Variants in KCNQ3 observed in about 807,000 individuals in gnomAD.
KCNQ3 encodes the protein potassium voltage-gated channel subfamily KQT member 3.
KCNQ3 carries 30 observed loss-of-function variants against 92.5 expected under a neutral mutation model. The ratio of observed to expected loss-of-function variants is 0.32; its 90% CI spans 0.24 to 0.44. The LOEUF (loss-of-function observed/expected upper bound fraction) is 0.44, where lower values mean the gene tolerates loss of function less well. Among genes scored for constraint, KCNQ3 ranks in the 20% least tolerant of loss-of-function variants. The probability of loss-of-function intolerance (pLI) is 1.00; values close to 1 mark genes in which losing one functional copy is unlikely to be tolerated. For synonymous variants in KCNQ3, 450 were observed against 468.8 expected (o/e 0.96, Z 0.52); for missense variants, 913 against 1,140.3 (o/e 0.80, Z 2.87).
intron 1 of KCNQ3, among the ~76,000 whole-genome samples, chr8:132,246,313 T>C (rs1305174268): frequency 1.3e-5 from 2 of 152,176 alleles, no homozygotes; most frequent in Non-Finnish European, 2.9e-5. Context: ...TTTCCCTACA[T>C]GAGAGAAGGA....
At chr8:132,356,810 G>T (rs1819031044) in intron 1 of KCNQ3, among the ~76,000 whole-genome samples, 1 of 152,174 alleles carries the variant, frequency 6.6e-6, no homozygotes, top group Non-Finnish European at 1.5e-5. Context: ...GAATGGGATG[G>T]TCAATCTGGA....
rs756218792 is a variant in KCNQ3, at chr8:132,234,338, GTTTTTTTTTTTTTT to G, written c.387-48171_387-48158del. Among the ~76,000 whole-genome samples, 102 of 85,674 alleles carry G rather than the reference GTTTTTTTTTTTTTT, an allele frequency of 1.2e-3. 2 individuals carry two copies. Among genetic ancestry groups the G allele is most frequent in the African/African-American group, 3.9e-3 (89 of 22,986 alleles). The allele number at this position is 85,674 out of a possible 152,430, so 56.2% of individuals were successfully genotyped here. ...CTGTGCATAATTCTGTCCATGAAAA[GTTTTTTTTTTTTTT>G]TTTTTTTTTTTTTGGCAGGTGAAAG... is the stretch of plus-strand genomic sequence containing the variant. On this transcript the variant is annotated intron_variant, in intron 1 of 14. Transcript: ENST00000388996.
rs763718116 is a variant in KCNQ3 at position 132,170,378 on chromosome 8, C to T, written c.1191G>A (p.Ala397=). 30 of 1,613,778 alleles carry T rather than the reference C, an allele frequency of 1.9e-5. No homozygotes were observed. Among genetic ancestry groups the T allele is most frequent in the South Asian group, 5.5e-5 (5 of 91,066 alleles). The change falls in exon 8 of 15, where the codon GCG becomes GCA. Residue 397 remains alanine, a synonymous_variant. Coordinates refer to ENST00000388996, the MANE Select transcript of KCNQ3 (RefSeq NM_004519.4). ...ATNPNRIDLV[A]TWRFYESVVS... ...CGACTGATTCATAAAATCTCCATGT[C>T]GCCACCAGGTCAATCCTGTTGGGGT...
chr8:132,409,842 G>A (rs1820601905), intron 1 of KCNQ3, among the ~76,000 whole-genome samples: 1 of 152,196 alleles, frequency 6.6e-6, no homozygotes, highest in Non-Finnish European at 1.5e-5. Flanking sequence ...CTGATGCCCA[G>A]AATTAACCAA....
intron 1 of KCNQ3, among the ~76,000 whole-genome samples, chr8:132,310,021 T>C (rs1465800729): frequency 6.6e-6 from 1 of 152,228 alleles, no homozygotes; most frequent in Admixed American, 6.5e-5. Flanking sequence ...GGAGACTTTA[T>C]ATCATGACCT....
intron 1 of KCNQ3, among the ~76,000 whole-genome samples, chr8:132,322,634 G>A (rs1162838372): frequency 6.6e-6 from 1 of 152,200 alleles, no homozygotes; most frequent in Non-Finnish European, 1.5e-5. Context: ...CAGAGCATGA[G>A]TACCACACAA....
intron 1 of KCNQ3, among the ~76,000 whole-genome samples, chr8:132,343,002 T>C (rs967995633): frequency 6.6e-6 from 1 of 152,194 alleles, no homozygotes; most frequent in African/African-American, 2.4e-5. Context: ...GCTAACGTAT[T>C]GGGCATTGTG....
intron 1 of KCNQ3, among the ~76,000 whole-genome samples, chr8:132,214,482 C>T (rs1813962451): frequency 6.6e-6 from 1 of 152,138 alleles, no homozygotes; most frequent in African/African-American, 2.4e-5. Flanking sequence ...AGGTTGGTGG[C>T]GTTATGGGGT....
In KCNQ3 at chr8:132,248,232, A is replaced by G. The variant is rs188181539; in HGVS notation, c.387-62051T>C. On this transcript the variant is annotated intron_variant, in intron 1 of 14. Transcript: ENST00000388996. Reference sequence around the variant, plus strand: ...TATTCTGGGAAAGGGTACTGATGAAATTTTAGTCATTAGATACTTTTCTTC... The same window carrying G: ...TATTCTGGGAAAGGGTACTGATGAAGTTTTAGTCATTAGATACTTTTCTTC... 4.9e-3 allele frequency among the ~76,000 whole-genome samples: 746 copies of G among 152,148 alleles called. 7 individuals are homozygous for G. Among genetic ancestry groups the G allele is most frequent in the African/African-American group, 0.017 (722 of 41,512 alleles).
intron 1 of KCNQ3, among the ~76,000 whole-genome samples, chr8:132,478,538 CT>C (rs373923393): frequency 2.5e-4 from 38 of 151,988 alleles, no homozygotes; most frequent in African/African-American, 8.9e-4. Flanking sequence ...TATTTTAATG[CT>C]TTTTTTTCGG....
In KCNQ3 at chr8:132,126,190, A is replaced by T. The variant is rs558718153; in HGVS notation, c.*3072T>A. 6.6e-6 allele frequency: 1 copy of T among 152,338 alleles called. No homozygotes were observed. The highest frequency in any genetic ancestry group is 2.4e-5 in the African/African-American group (1 of 41,578). 9.4% of individuals were successfully genotyped at this position (152,338 alleles called of 1,614,324 possible). A position where few individuals can be genotyped will look rare whatever the true frequency, so the allele number is the denominator to read the frequency against. On this transcript the variant is annotated 3_prime_UTR_variant, in exon 15 of 15. Coordinates refer to ENST00000388996, the MANE Select transcript of KCNQ3 (RefSeq NM_004519.4). The stretch of plus-strand genomic sequence containing the variant: ...GTCAATATTTCATGGAGTTCTGCTG[A>T]AACGATTGCAATTTCTTGGGCAAGT...
At chr8:132,244,969 C>T (rs1320436016) in intron 1 of KCNQ3, among the ~76,000 whole-genome samples, 1 of 150,014 alleles carries the variant, frequency 6.7e-6, no homozygotes, top group East Asian at 2.0e-4. Context: ...GATTCCACTG[C>T]TCTGGCTCAT....
Position 132,209,544 on chromosome 8 carries a change from A to ACACAC in KCNQ3, c.387-23364_387-23363insGTGTG, listed in dbSNP as rs1554631921. On this transcript the variant is annotated intron_variant, in intron 1 of 14. Transcript: ENST00000388996. ...GTAATTCACACCACACACACACACA[A>ACACAC]ACACACACACACACACACACACGTA... is the stretch of plus-strand genomic sequence containing the variant. Among the ~76,000 whole-genome samples, 1,118 of 135,450 alleles carry ACACAC rather than the reference A, an allele frequency of 8.3e-3. 21 individuals carry two copies. Among genetic ancestry groups the ACACAC allele is most frequent in the African/African-American group, 0.027 (998 of 36,910 alleles). 88.9% of individuals were successfully genotyped at this position (135,450 alleles called of 152,430 possible).
At position 132,129,712 on chromosome 8, in the gene KCNQ3, C is replaced by A. The variant is rs780315758; in HGVS notation, c.2169G>T (p.Gly723=). 2.1e-5 allele frequency: 34 copies of A among 1,614,016 alleles called. No individual in the cohort carries two copies. The highest frequency in any genetic ancestry group is 2.9e-5 in the Non-Finnish European group (34 of 1,180,044). The change falls in exon 15 of 15, where the codon GGG becomes GGT. Residue 723 remains glycine, a synonymous_variant. Transcript: ENST00000388996. This position sits in a 1 kb window ranked among gnomAD's most constrained non-coding sequence, Gnocchi z 5.9. ...FAHDPVNLPR[G]GPSSGKVQAT... ...CCTGAACCTTTCCAGAACTGGGTCC[C>A]CCTCGGGGCAGGTTCACAGGGTCAT...
At chr8:132,479,004 G>T (rs975594336) in intron 1 of KCNQ3, among the ~76,000 whole-genome samples, 3 of 152,124 alleles carry the variant, frequency 2.0e-5, no homozygotes, top group African/African-American at 7.2e-5. Flanking sequence ...CAAGGTCATA[G>T]GCAATTCCCT....
intron 3 of KCNQ3, among the ~76,000 whole-genome samples, chr8:132,183,332 A>G (rs1011962993): frequency 6.6e-5 from 10 of 152,152 alleles, no homozygotes; most frequent in Non-Finnish European, 1.5e-4. Flanking sequence ...AGGAGTTAAA[A>G]TGAGATAAAT....
intron 1 of KCNQ3, among the ~76,000 whole-genome samples, chr8:132,348,325 C>T (rs1013924655): frequency 6.6e-5 from 10 of 152,110 alleles, no homozygotes; most frequent in Non-Finnish European, 1.0e-4. Flanking sequence ...TTGCAACAGA[C>T]GGTTTGCTGG....
intron 1 of KCNQ3, among the ~76,000 whole-genome samples, chr8:132,332,634 C>T (rs989858190): frequency 6.6e-6 from 1 of 152,232 alleles, no homozygotes; most frequent in African/African-American, 2.4e-5. Flanking sequence ...CTTCTCTGTC[C>T]TTGTGTTTCC....
At chr8:132,470,849 G>A (rs1189488204) in intron 1 of KCNQ3, among the ~76,000 whole-genome samples, 1 of 152,146 alleles carries the variant, frequency 6.6e-6, no homozygotes, top group African/African-American at 2.4e-5. Context: ...GCCTTTGGAA[G>A]AGACCATTCC....
Sources: allele counts gnomAD v4.1 joint callset (sites outside exome capture counted in the v4.1 genomes callset), GRCh38; gene constraint gnomAD v4.1.1; non-coding constraint Gnocchi (gnomAD v3.1); transcripts MANE v1.5; gene names NCBI Gene and HGNC (gene_info 2026-07-23, HGNC 2026-07-21).